The following ATG4D variants were observed in gnomAD, a reference collection of about 807,000 sequenced individuals.
ATG4D encodes cysteine protease ATG4D.
ATG4D carries 51 observed loss-of-function variants against 55.2 expected under a neutral mutation model. The ratio of observed to expected loss-of-function variants is 0.92; its 90% CI spans 0.74 to 1.17. The LOEUF is 1.17. ATG4D is among the 50% of genes most tolerant of loss of function. ATG4D has a pLI of 0.00. For synonymous variants in ATG4D, 268 were observed against 266.2 expected, an observed-to-expected ratio of 1.01 and a Z score of -0.07; for missense variants, 635 against 649.6, an observed-to-expected ratio of 0.98 and a Z score of 0.25.
In ATG4D at chr19:10,547,006, G is replaced by A. The variant is rs1352858778; in HGVS notation, c.661G>A (p.Asp221Asn). Residue 221 changes from aspartate (D) to asparagine (N), a missense_variant, in exon 4 of 10, where the codon GAC becomes AAC. By Grantham distance (23) the Asp-to-Asn change is conservative (BLOSUM62 1). Transcript: ENST00000309469. Reference sequence around the variant, plus strand: ...CCGGCAGATTGTGTCCTGGTTCGCCGACCACCCCCGGGCCCCCTTTGGCCT... The same window carrying A: ...CCGGCAGATTGTGTCCTGGTTCGCCAACCACCCCCGGGCCCCCTTTGGCCT... ...RHRQIVSWFADHPRAPFGLHR... is the reference protein window; with the variant it reads ...RHRQIVSWFANHPRAPFGLHR... 1.1e-5 allele frequency: 17 copies of A among 1,588,828 alleles called. No homozygotes were observed. The highest frequency in any genetic ancestry group is 4.5e-5 in the South Asian group (4 of 88,672).
Position 10,552,874 on chromosome 19 carries a change from C to A in ATG4D, c.1243-11C>A. On this transcript the variant is annotated splice_polypyrimidine_tract_variant and intron_variant, in intron 9 of 9. Coordinates refer to ENST00000309469, the MANE Select transcript of ATG4D (RefSeq NM_032885.6). ...TGTTTGTGGCTGACCCTGTCTCCCTCTTCCCGCCAGGTCCTCAGCTCCTCC... is the reference window on the plus strand; with the variant it reads ...TGTTTGTGGCTGACCCTGTCTCCCTATTCCCGCCAGGTCCTCAGCTCCTCC... 1 of 1,600,688 alleles carries A rather than the reference C, an allele frequency of 6.2e-7. No homozygotes were observed. The highest frequency in any genetic ancestry group is 8.5e-7 in the Non-Finnish European group (1 of 1,172,770).
rs776998994 is a variant in ATG4D at position 10,548,902 on chromosome 19, A to G, written c.836-2A>G. Reference sequence around the variant, plus strand: ...TGACCTGCTGCTGTCCCGTCCCTCCAGTGTACAAGGCGGATGTGGCACGCC... The same window carrying G: ...TGACCTGCTGCTGTCCCGTCCCTCCGGTGTACAAGGCGGATGTGGCACGCC... On this transcript the variant is annotated splice_acceptor_variant, in intron 5 of 9. Coordinates refer to ENST00000309469, the MANE Select transcript of ATG4D (RefSeq NM_032885.6). LOFTEE classifies it high-confidence loss of function. 6.8e-6 allele frequency: 11 copies of G among 1,613,608 alleles called. No homozygotes were observed. The highest frequency in any genetic ancestry group is 9.3e-6 in the Non-Finnish European group (11 of 1,179,656).
intron 6 of ATG4D, among the ~76,000 whole-genome samples, chr19:10,549,396 A>G (rs1024880513): frequency 4.0e-5 from 6 of 149,776 alleles, no homozygotes; most frequent in African/African-American, 1.5e-4. Context: ...GTGCTGGGAT[A>G]ACAGGCGTGA....
Position 10,553,325 on chromosome 19 carries a change from C to A in ATG4D, c.*258C>A, listed in dbSNP as rs1423613011. On this transcript the variant is annotated 3_prime_UTR_variant, in exon 10 of 10. Coordinates refer to ENST00000309469, the MANE Select transcript of ATG4D (RefSeq NM_032885.6). ...CCCCCCTCAGGGCCTGACTCACGTA[C>A]TGTAGTTTGCACTGGACGCCCGGGC... The A allele has an allele frequency of 4.4e-6, 2 of 452,982 alleles. No individual in the cohort carries two copies. Among genetic ancestry groups the A allele is most frequent in the African/African-American group, 1.9e-5 (1 of 51,604 alleles). The allele number at this position is 452,982 out of a possible 1,614,324, so 28.1% of individuals were successfully genotyped here. A position where few individuals can be genotyped will look rare whatever the true frequency, so the allele number is the denominator to read the frequency against.
Position 10,547,087 on chromosome 19 carries a change from G to T in ATG4D, c.742G>T (p.Gly248Trp). ...AGGCAAGAAGGCAGGTGACTGGTAT[G>T]GGCCATCGCTAGTGGCACACATCCT... ...SSGKKAGDWY[G>W]PSLVAHILRK... is the part of the protein sequence containing the mutation. Residue 248 changes from glycine to tryptophan, a missense_variant, in exon 4 of 10, where the codon GGG becomes TGG. Coordinates refer to ENST00000309469, the MANE Select transcript of ATG4D (RefSeq NM_032885.6). 6.3e-7 allele frequency: 1 copy of T among 1,599,260 alleles called. No individual in the cohort carries two copies.
intron 5 of ATG4D, among the ~76,000 whole-genome samples, chr19:10,547,813 C>T (rs1201086500): frequency 6.6e-6 from 1 of 150,958 alleles, no homozygotes; most frequent in African/African-American, 2.4e-5. Context: ...TCTCCTGCCT[C>T]AGCCTCTCAA....
At chr19:10,552,520 T>A (rs1236366761) in intron 9 of ATG4D, among the ~76,000 whole-genome samples, 196 bp downstream of exon 9, 2 of 152,154 alleles carry the variant, frequency 1.3e-5, no homozygotes, top group Middle Eastern at 3.2e-3. Flanking sequence ...CATCATCCCT[T>A]GGAGGCAGCT....
chr19:10,544,808 CT>C lies in ATG4D; in HGVS notation c.264del (p.Phe88LeufsTer49). 6.2e-7 allele frequency: 1 copy of C among 1,614,172 alleles called. No homozygotes were observed. Among genetic ancestry groups the C allele is most frequent in the Non-Finnish European group, 8.5e-7 (1 of 1,180,016 alleles). Reference sequence around the variant, plus strand: ...GTTGGGTGGTTAAAAGCCGGACCAGCTTTAGCAAGATCTCCAGCATCCACCT... The same window carrying C: ...GTTGGGTGGTTAAAAGCCGGACCAGCTTAGCAAGATCTCCAGCATCCACCT... ...YGWVVKSRTSFSKISSIHLCG... is the reference protein window; with the variant it reads ...YGWVVKSRTSXSKISSIHLCG... On this transcript the variant is annotated frameshift_variant, in exon 2 of 10. Transcript: ENST00000309469. LOFTEE classifies it high-confidence loss of function.
chr19:10,551,848 G>A (rs758020794), intron 6 of ATG4D, 49 bp from the exon 7 acceptor site: 18 of 1,591,094 alleles, frequency 1.1e-5, no homozygotes, highest in East Asian at 2.2e-5. Context: ...TTTGCCAAGC[G>A]TTTGTTGAGT....
At position 10,552,295 on chromosome 19, in the gene ATG4D, T is replaced by A; in HGVS notation, c.1213T>A (p.Phe405Ile). Residue 405 changes from phenylalanine (F) to isoleucine (I), a missense_variant, in exon 9 of 10, where the codon TTT becomes ATT. Transcript: ENST00000309469. ...VGFYAGDRKE[F>I]ETLCSELTRV... ...CTTCTATGCTGGAGACAGGAAGGAG[T>A]TTGAGACACTCTGCTCAGAGCTGAC... The A allele has an allele frequency of 6.2e-7, 1 of 1,612,446 alleles. No individual in the cohort carries two copies. The highest frequency in any genetic ancestry group is 8.5e-7 in the Non-Finnish European group (1 of 1,179,814).
intron 3 of ATG4D, among the ~76,000 whole-genome samples, chr19:10,545,350 TC>T (rs1242534038): frequency 6.6e-6 from 1 of 150,996 alleles, no homozygotes; most frequent in Non-Finnish European, 1.5e-5. Context: ...GGCGGATGGA[TC>T]CCTTGCGGTC....
Position 10,544,992 on chromosome 19 carries a change from C to G in ATG4D, c.355C>G (p.Arg119Gly), listed in dbSNP as rs1915986661. ...IQRFQRDFVSRLWLTYRRDFP... is the reference protein window; with the variant it reads ...IQRFQRDFVSGLWLTYRRDFP... ...GCGTTTCCAGCGGGACTTTGTGTCC[C>G]GCCTGTGGCTCACATACCGCCGGGA... The change falls in exon 3 of 10, where the codon CGC becomes GGC. Residue 119 changes from arginine to glycine, a missense_variant. Transcript: ENST00000309469. The G allele has an allele frequency of 6.2e-7, 1 of 1,601,390 alleles. No homozygotes were observed.
rs1916060441 is a variant in ATG4D, at chr19:10,547,115, G to A, written c.770G>A (p.Arg257Lys). ...CCATCGCTAGTGGCACACATCCTCAGGTGAGGGCTGCTGCAGGGATCACGG... is the reference window on the plus strand; with the variant it reads ...CCATCGCTAGTGGCACACATCCTCAAGTGAGGGCTGCTGCAGGGATCACGG... Reference protein sequence around the residue: ...YGPSLVAHILRKAVESCSDVT... With the variant: ...YGPSLVAHILKKAVESCSDVT... The change falls in exon 4 of 10, where the codon AGG becomes AAG. Residue 257 changes from arginine to lysine, a missense_variant and splice_region_variant. By Grantham distance (26) the Arg-to-Lys change is conservative (BLOSUM62 2). Coordinates refer to ENST00000309469, the MANE Select transcript of ATG4D (RefSeq NM_032885.6). 1 of 1,606,208 alleles carries A rather than the reference G, an allele frequency of 6.2e-7. No homozygotes were observed.
intron 6 of ATG4D, among the ~76,000 whole-genome samples, chr19:10,549,565 G>A (rs1358676887): frequency 2.0e-5 from 3 of 152,004 alleles, no homozygotes; most frequent in Non-Finnish European, 4.4e-5. Context: ...CTACAGGCGT[G>A]TGCCACCACG....
chr19:10,546,032 A>G (rs1042332112), intron 3 of ATG4D, among the ~76,000 whole-genome samples: 40 of 151,282 alleles, frequency 2.6e-4, no homozygotes, highest in African/African-American at 9.7e-4. Flanking sequence ...AGACTCCAAC[A>G]ATAACAGGTC....
chr19:10,543,993 G>T lies in ATG4D; in HGVS notation c.-98G>T, dbSNP rs896276173. 7 of 800,418 alleles carry T rather than the reference G, an allele frequency of 8.7e-6. No homozygotes were observed. Among genetic ancestry groups the T allele is most frequent in the Admixed American group, 8.9e-5 (2 of 22,552 alleles). The allele number at this position is 800,418 out of a possible 1,614,324, so 49.6% of individuals were successfully genotyped here. A position where few individuals can be genotyped will look rare whatever the true frequency, so the allele number is the denominator to read the frequency against. Reference sequence around the variant, plus strand: ...ACCCTGGGGACGGGGGCCGAGTAGCGCCTTCCCCGGGCCCCGTGAACCGGC... The same window carrying T: ...ACCCTGGGGACGGGGGCCGAGTAGCTCCTTCCCCGGGCCCCGTGAACCGGC... On this transcript the variant is annotated 5_prime_UTR_variant, in exon 1 of 10. Transcript: ENST00000309469.
intron 1 of ATG4D, 168 bp from the exon 2 acceptor site, chr19:10,544,615 G>A (rs1303031163): frequency 7.7e-7 from 1 of 1,306,540 alleles, no homozygotes; most frequent in Non-Finnish European, 1.0e-6. Flanking sequence ...AATTGATGGT[G>A]GACACTCCTG....
At chr19:10,551,504 C>G (rs560498461) in intron 6 of ATG4D, among the ~76,000 whole-genome samples, 1 of 149,384 alleles carries the variant, frequency 6.7e-6, no homozygotes, top group Non-Finnish European at 1.5e-5. Context: ...TCCAGACCAG[C>G]CTGGCTAACA....
intron 9 of ATG4D, among the ~76,000 whole-genome samples, chr19:10,552,556 A>G (rs1359059527): frequency 6.6e-6 from 1 of 151,924 alleles, no homozygotes; most frequent in South Asian, 2.1e-4. Context: ...AGTGGTGGGA[A>G]CCCTCCCTGT....
Sources: gnomAD v4.1 joint callset for allele counts (sites outside exome capture counted in the v4.1 genomes callset) on GRCh38, gnomAD v4.1.1 for gene constraint, MANE v1.5 for transcripts, NCBI Gene and HGNC (gene_info 2026-07-23, HGNC 2026-07-21) for gene names.